MAP3K21: variants seen among roughly 807,000 people sequenced by gnomAD.
The protein encoded by MAP3K21 is mitogen-activated protein kinase kinase kinase MLK4.
MAP3K21 carries 63 observed loss-of-function variants against 86.1 expected under a neutral mutation model. The ratio of observed to expected loss-of-function variants is 0.73; its 90% CI spans 0.60 to 0.90. The LOEUF is 0.90. MAP3K21 is among the 40% of genes least tolerant of loss of function. MAP3K21 has a pLI of 0.00. For missense variants in MAP3K21, 1,220 were observed against 1,367.7 expected, an observed-to-expected ratio of 0.89 and a Z score of 1.70; for synonymous variants, 558 against 564.8, an observed-to-expected ratio of 0.99 and a Z score of 0.17.
chr1:233,374,925 T>A (rs1304630252), intron 6 of MAP3K21, among the ~76,000 whole-genome samples: 1 of 150,962 alleles, frequency 6.6e-6, no homozygotes, highest in Admixed American at 6.7e-5. Context: ...TAATAGCAAT[T>A]TTCCCCAGTG....
chr1:233,336,506 A>G lies in MAP3K21; in HGVS notation c.805+7673A>G, dbSNP rs575689623. On this transcript the variant is annotated intron_variant, in intron 1 of 9. Transcript: ENST00000366624. ...TAGTGAGCTGAAATTGTGCCACTGC[A>G]CTCCAGCCTGGGTAACAGAGCCAGA... Among the ~76,000 whole-genome samples the G allele has an allele frequency of 1.0e-3, 156 of 151,918 alleles. 2 individuals are homozygous for G. Among genetic ancestry groups the G allele is most frequent in the Admixed American group, 0.01 (153 of 15,210 alleles).
chr1:233,376,820 T>G (rs1226002431), intron 8 of MAP3K21, among the ~76,000 whole-genome samples: 1 of 152,188 alleles, frequency 6.6e-6, no homozygotes, highest in South Asian at 2.1e-4. Context: ...ATGGGAAATA[T>G]TAGATGTAAA....
chr1:233,342,998 A>G (rs77191895), intron 1 of MAP3K21, among the ~76,000 whole-genome samples: 2,115 of 152,292 alleles, frequency 0.014, 54 homozygotes, highest in African/African-American at 0.048. Context: ...GACACGGGGA[A>G]AAAAGTTGTA....
chr1:233,368,093 A>G (rs1663613220), intron 5 of MAP3K21, among the ~76,000 whole-genome samples: 1 of 152,100 alleles, frequency 6.6e-6, no homozygotes, highest in South Asian at 2.1e-4. Flanking sequence ...TAACTTGTCA[A>G]TCAGATCCTG....
chr1:233,354,062 A>G (rs1663302113), intron 3 of MAP3K21, 107 bp downstream of exon 3: 8 of 1,227,084 alleles, frequency 6.5e-6, no homozygotes, highest in Non-Finnish European at 7.5e-6. Flanking sequence ...ATTTCCAAGT[A>G]CTTTTAAGTA....
intron 1 of MAP3K21, among the ~76,000 whole-genome samples, chr1:233,342,571 A>G (rs914345526): frequency 1.3e-5 from 2 of 152,258 alleles, no homozygotes; most frequent in African/African-American, 4.8e-5. Context: ...TAGCTTGTAC[A>G]TAGCTTTGTT....
intron 1 of MAP3K21, among the ~76,000 whole-genome samples, chr1:233,345,544 G>A (rs1663119473): frequency 1.3e-5 from 2 of 149,800 alleles, no homozygotes; most frequent in African/African-American, 4.9e-5. Context: ...AGAACATTTG[G>A]ACACAGGGTG....
chr1:233,354,036 A>T, intron 3 of MAP3K21, 81 bp downstream of exon 3: 1 of 1,326,720 alleles, frequency 7.5e-7, no homozygotes, highest in Non-Finnish European at 9.8e-7. Flanking sequence ...CAGAAAAAGC[A>T]TTTTCTGTGA....
chr1:233,352,354 T>C (rs1444268129), intron 2 of MAP3K21, among the ~76,000 whole-genome samples: 1 of 152,200 alleles, frequency 6.6e-6, no homozygotes, highest in East Asian at 1.9e-4. Flanking sequence ...TATCTGAAAC[T>C]ATATGATATA....
intron 2 of MAP3K21, among the ~76,000 whole-genome samples, chr1:233,347,832 A>G (rs772207011): frequency 1.8e-4 from 27 of 152,128 alleles, no homozygotes; most frequent in Non-Finnish European, 3.4e-4. Context: ...CCTCAACATC[A>G]CACGACATAC....
intron 5 of MAP3K21, among the ~76,000 whole-genome samples, chr1:233,362,650 G>A (rs990694600): frequency 2.6e-5 from 4 of 152,040 alleles, no homozygotes; most frequent in African/African-American, 9.6e-5. Context: ...GCAAAACAAC[G>A]AAACTGTTAA....
chr1:233,341,888 C>G (rs1348903802), intron 1 of MAP3K21, among the ~76,000 whole-genome samples: 1 of 151,742 alleles, frequency 6.6e-6, no homozygotes, highest in Non-Finnish European at 1.5e-5. Context: ...CCATTTTGAT[C>G]ATTAATTTGG....
chr1:233,332,009 A>T (rs893987964), intron 1 of MAP3K21, among the ~76,000 whole-genome samples: 18 of 152,072 alleles, frequency 1.2e-4, no homozygotes, highest in Non-Finnish European at 2.9e-5. Context: ...ACCTATAGGC[A>T]CCCCCCAGAG....
At chr1:233,362,543 A>T (rs1170059189) in intron 5 of MAP3K21, among the ~76,000 whole-genome samples, 1 of 152,230 alleles carries the variant, frequency 6.6e-6, no homozygotes, top group South Asian at 2.1e-4. Flanking sequence ...GCGTACTTTC[A>T]TATTGATGGA....
At chr1:233,378,296 A>G (rs1274767466) in intron 8 of MAP3K21, among the ~76,000 whole-genome samples, 1 of 152,188 alleles carries the variant, frequency 6.6e-6, no homozygotes, top group Non-Finnish European at 1.5e-5. Context: ...GGATTCTGTA[A>G]CCTCTTGGGA....
At position 233,348,513 on chromosome 1, in the gene MAP3K21, T is replaced by A. The variant is rs145812073; in HGVS notation, c.986+1891T>A. 7.2e-5 allele frequency among the ~76,000 whole-genome samples: 11 copies of A among 152,326 alleles called. No individual in the cohort carries two copies. The East Asian group carries it at 2.1e-3, about 29-fold the overall frequency. On this transcript the variant is annotated intron_variant, in intron 2 of 9. Coordinates refer to ENST00000366624, the MANE Select transcript of MAP3K21 (RefSeq NM_032435.3). Reference sequence around the variant, plus strand: ...TTGACTATATATCTAGGAGTAGTAGTGAGATTGCTTGGCCATATGGTAATT... The same window carrying A: ...TTGACTATATATCTAGGAGTAGTAGAGAGATTGCTTGGCCATATGGTAATT...
At chr1:233,370,275 C>A (rs763352168) in intron 5 of MAP3K21, among the ~76,000 whole-genome samples, 1 of 152,122 alleles carries the variant, frequency 6.6e-6, no homozygotes, top group Non-Finnish European at 1.5e-5. Flanking sequence ...ATAATTAGTT[C>A]TTTTCCATTT....
At chr1:233,340,003 A>T (rs895926434) in intron 1 of MAP3K21, among the ~76,000 whole-genome samples, 4 of 151,262 alleles carry the variant, frequency 2.6e-5, no homozygotes, top group African/African-American at 9.7e-5. Flanking sequence ...GTGCAGTATT[A>T]AAAAAAAAGA....
chr1:233,373,408 G>A (rs1399099909), intron 6 of MAP3K21: 1 of 152,272 alleles, frequency 6.6e-6, no homozygotes, highest in Non-Finnish European at 1.5e-5. Flanking sequence ...GGGAAGGCCT[G>A]GCTGGGCCCA....
Sources: gnomAD v4.1 joint callset for allele counts (sites outside exome capture counted in the v4.1 genomes callset) on GRCh38, gnomAD v4.1.1 for gene constraint, MANE v1.5 for transcripts, NCBI Gene and HGNC (gene_info 2026-07-23, HGNC 2026-07-21) for gene names.